Variants in AKAP8L observed in about 807,000 individuals in gnomAD.
AKAP8L encodes A-kinase anchoring protein 8 like.
A neutral mutation model predicts 77.5 loss-of-function variants in AKAP8L; 34 were observed. That is an observed-to-expected ratio of 0.44 (90% CI 0.33 to 0.58). The LOEUF (loss-of-function observed/expected upper bound fraction) is 0.58, where lower values mean the gene tolerates loss of function less well. AKAP8L is among the 20% of genes least tolerant of loss of function. The pLI is 0.02. For synonymous variants in AKAP8L, 342 were observed against 340.7 expected, an observed-to-expected ratio of 1.00 and a Z score of -0.04; for missense variants, 806 against 887.6, an observed-to-expected ratio of 0.91 and a Z score of 1.17.
chr19:15,408,276 A>C (rs1968038902), intron 2 of AKAP8L, among the ~76,000 whole-genome samples: 1 of 152,070 alleles, frequency 6.6e-6, no homozygotes, highest in Non-Finnish European at 1.5e-5. Flanking sequence ...TCAATAGAGA[A>C]AATATAGGCC....
rs965074724 is a variant in AKAP8L at position 15,401,942 on chromosome 19, C to T, written c.363-339G>A. On this transcript the variant is annotated intron_variant, in intron 4 of 13. Coordinates refer to ENST00000397410, the MANE Select transcript of AKAP8L (RefSeq NM_014371.4). This position sits in a 1 kb window ranked among gnomAD's most constrained non-coding sequence, Gnocchi z 6.2. ...TGTACACCATCTGTGGGAGCTGCAACGCCCAAGGCTGCTCCTCACAGGGCA... is the reference window on the plus strand; with the variant it reads ...TGTACACCATCTGTGGGAGCTGCAATGCCCAAGGCTGCTCCTCACAGGGCA... Among the ~76,000 whole-genome samples the T allele has an allele frequency of 3.9e-5, 6 of 152,208 alleles. No homozygotes were observed. Among genetic ancestry groups the T allele is most frequent in the African/African-American group, 1.2e-4 (5 of 41,456 alleles).
chr19:15,380,567 T>A lies in AKAP8L; in HGVS notation c.1582A>T (p.Ser528Cys). The part of the protein sequence containing the change: ...SKKSSLMVAR[S>C]ILNNKLISKK... ...CTGATGAGCTTGTTGTTGAGAATAC[T>A]GCGGGCCACCATGAGGGAGGACTTC... The change falls in exon 13 of 14, where the codon AGT (serine) becomes TGT (cysteine). Residue 528 changes from serine to cysteine, a missense_variant. Ser to Cys is a moderately radical substitution (Grantham distance 112). Transcript: ENST00000397410. The A allele has an allele frequency of 1.2e-6, 2 of 1,613,928 alleles. No individual in the cohort carries two copies. The highest frequency in any genetic ancestry group is 1.7e-6 in the Non-Finnish European group (2 of 1,179,886).
At chr19:15,392,553 A>T (rs1455468012) in intron 12 of AKAP8L, among the ~76,000 whole-genome samples, 2 of 152,068 alleles carry the variant, frequency 1.3e-5, no homozygotes, top group East Asian at 3.9e-4. Context: ...AAAAATATCA[A>T]GAAAACAATT....
At chr19:15,416,651 A>T (rs200212641) in intron 1 of AKAP8L, among the ~76,000 whole-genome samples, 1 of 152,332 alleles carries the variant, frequency 6.6e-6, no homozygotes, top group South Asian at 2.1e-4. Flanking sequence ...AAACATAAAG[A>T]AACTGTGTGA....
In AKAP8L at chr19:15,403,637, T is replaced by C; in HGVS notation, c.200A>G (p.His67Arg). 2 of 1,613,586 alleles carry C rather than the reference T, an allele frequency of 1.2e-6. No individual in the cohort carries two copies. Among genetic ancestry groups the C allele is most frequent in the Non-Finnish European group, 1.7e-6 (2 of 1,179,794 alleles). ...GTCAGAGCTAGGCATTTCCCAAGAG[T>C]GTGAAGTGGCCATACCATACCCATA... ...TNYGYGMATS[H>R]SWEMPSSDTN... is the part of the protein sequence containing the mutation. Residue 67 changes from histidine (H) to arginine (R), a missense_variant, in exon 4 of 14, where the codon CAC (histidine) becomes CGC (arginine). By Grantham distance (29) the His-to-Arg change is conservative. Around this residue, in one of 2 missense-constraint regions of AKAP8L, gnomAD observed 580 missense variants for 694.1 expected, o/e 0.84. Coordinates refer to ENST00000397410, the MANE Select transcript of AKAP8L (RefSeq NM_014371.4). This position sits in a 1 kb window ranked among gnomAD's most constrained non-coding sequence, Gnocchi z 4.3.
At chr19:15,414,059 C>CT (rs755252182) in intron 1 of AKAP8L, among the ~76,000 whole-genome samples, 2,889 of 119,942 alleles carry the variant, frequency 0.024, 111 homozygotes, top group African/African-American at 0.045. Context: ...ATGAATAATT[C>CT]TTTTTTTTTT....
Position 15,397,852 on chromosome 19 carries a change from G to C in AKAP8L, c.1161C>G (p.Ile387Met), listed in dbSNP as rs1363685828. 1.2e-6 allele frequency: 2 copies of C among 1,613,640 alleles called. No individual in the cohort carries two copies. The highest frequency in any genetic ancestry group is 2.7e-5 in the African/African-American group (2 of 74,908). ...KRQRDRMVERIQFVCSLCKYR... is the reference protein window; with the variant it reads ...KRQRDRMVERMQFVCSLCKYR... ...ATTTGCACAGAGAACACACAAACTG[G>C]ATCCTGCCACAGGAAGGAAACGAGG... The change falls in exon 10 of 14, where the codon ATC (isoleucine) becomes ATG (methionine). Residue 387 changes from isoleucine (I) to methionine (M), a missense_variant. Physicochemically the swap from Ile to Met is conservative, Grantham distance 10. Transcript: ENST00000397410. This position sits in a 1 kb window ranked among gnomAD's most constrained non-coding sequence, Gnocchi z 4.7.
chr19:15,406,653 G>A (rs1371465569), intron 2 of AKAP8L, among the ~76,000 whole-genome samples: 2 of 151,840 alleles, frequency 1.3e-5, no homozygotes, highest in East Asian at 3.9e-4. Flanking sequence ...TTTTTGTAGA[G>A]ATAGGGTTTT....
At chr19:15,412,620 C>T (rs948855873) in intron 1 of AKAP8L, among the ~76,000 whole-genome samples, 3 of 152,202 alleles carry the variant, frequency 2.0e-5, no homozygotes, top group South Asian at 4.1e-4. Context: ...CGGCTCACTG[C>T]AACCTCCACC....
intron 12 of AKAP8L, among the ~76,000 whole-genome samples, chr19:15,390,894 G>A (rs1205637539): frequency 6.6e-6 from 1 of 152,150 alleles, no homozygotes; most frequent in Non-Finnish European, 1.5e-5. Context: ...CACTTAACAG[G>A]ACTAGAAGGG....
Position 15,397,447 on chromosome 19 carries a change from C to G in AKAP8L, c.1405+73G>C, listed in dbSNP as rs1967799161. 6.6e-7 allele frequency: 1 copy of G among 1,513,268 alleles called. No homozygotes were observed. Among genetic ancestry groups the G allele is most frequent in the African/African-American group, 1.4e-5 (1 of 72,690 alleles). The allele number at this position is 1,513,268 out of a possible 1,614,324, so 93.7% of individuals were successfully genotyped here. A position where few individuals can be genotyped will look rare whatever the true frequency, so the allele number is the denominator to read the frequency against. On this transcript the variant is annotated intron_variant, in intron 11 of 13. Coordinates refer to ENST00000397410, the MANE Select transcript of AKAP8L (RefSeq NM_014371.4). This position sits in a 1 kb window ranked among gnomAD's most constrained non-coding sequence, Gnocchi z 4.7. Reference sequence around the variant, plus strand: ...TTCCCTGGGGGAACAGAAGGGTGTCCTGACCCTGCACCGAAAATCAGGAGT... The same window carrying G: ...TTCCCTGGGGGAACAGAAGGGTGTCGTGACCCTGCACCGAAAATCAGGAGT...
At position 15,399,997 on chromosome 19, in the gene AKAP8L, G is replaced by C. The variant is rs1286759813; in HGVS notation, c.1048+298C>G. On this transcript the variant is annotated intron_variant, in intron 8 of 13. Transcript: ENST00000397410. The surrounding 1 kb of genome is among the most constrained non-coding windows in gnomAD (Gnocchi z 6.1). ...GAACTGCGCGTTACTGAGGGACCGA[G>C]GGCAGGGGGCGTGCCTGGGGTTCCC... The C allele has an allele frequency of 5.8e-6, 3 of 518,186 alleles. No individual in the cohort carries two copies. The highest frequency in any genetic ancestry group is 3.9e-5 in the African/African-American group (2 of 51,948). The allele number at this position is 518,186 out of a possible 1,614,324, so 32.1% of individuals were successfully genotyped here. A position where few individuals can be genotyped will look rare whatever the true frequency, so the allele number is the denominator to read the frequency against.
At chr19:15,410,127 T>C (rs568734323) in intron 2 of AKAP8L, among the ~76,000 whole-genome samples, 23 of 152,052 alleles carry the variant, frequency 1.5e-4, no homozygotes, top group Non-Finnish European at 2.8e-4. Context: ...TATTTTAGTA[T>C]AGATGGCATT....
chr19:15,403,042 G>A lies in AKAP8L; in HGVS notation c.362+433C>T, dbSNP rs1197531793. On this transcript the variant is annotated intron_variant, in intron 4 of 13. Transcript: ENST00000397410. This position sits in a 1 kb window ranked among gnomAD's most constrained non-coding sequence, Gnocchi z 4.3. ...TGCCCACACCTGCCCCGACCCTTAC[G>A]TGGGGGTGGCCCAGCTCGCAGTGAT... Among the ~76,000 whole-genome samples, 4 of 152,154 alleles carry A rather than the reference G, an allele frequency of 2.6e-5. No individual in the cohort carries two copies. The highest frequency in any genetic ancestry group is 4.4e-5 in the Non-Finnish European group (3 of 68,026).
intron 12 of AKAP8L, among the ~76,000 whole-genome samples, chr19:15,387,590 A>T (rs1967566327): frequency 6.6e-6 from 1 of 152,166 alleles, no homozygotes; most frequent in African/African-American, 2.4e-5. Flanking sequence ...AGGTTACCAA[A>T]GAGGACAAGG....
In AKAP8L at chr19:15,397,834, C is replaced by A; in HGVS notation, c.1179G>T (p.Leu393=). The change falls in exon 10 of 14, where the codon CTG becomes CTT. Residue 393 remains leucine, a synonymous_variant. Coordinates refer to ENST00000397410, the MANE Select transcript of AKAP8L (RefSeq NM_014371.4). This position sits in a 1 kb window ranked among gnomAD's most constrained non-coding sequence, Gnocchi z 4.7. Reference sequence around the variant, plus strand: ...CCTCATAGAAGGTCCGGTATTTGCACAGAGAACACACAAACTGGATCCTGC... The same window carrying A: ...CCTCATAGAAGGTCCGGTATTTGCAAAGAGAACACACAAACTGGATCCTGC... The part of the protein sequence containing the change: ...MVERIQFVCS[L]CKYRTFYEDE... The A allele has an allele frequency of 6.2e-7, 1 of 1,613,892 alleles. No homozygotes were observed. Among genetic ancestry groups the A allele is most frequent in the African/African-American group, 1.3e-5 (1 of 75,010 alleles).
rs888832813 is a variant in AKAP8L at position 15,384,592 on chromosome 19, T to C, written c.1537-3980A>G. Among the ~76,000 whole-genome samples, 5 of 152,224 alleles carry C rather than the reference T, an allele frequency of 3.3e-5. 1 individual carries two copies. The highest frequency in any genetic ancestry group is 3.3e-4 in the Admixed American group (5 of 15,286). On this transcript the variant is annotated intron_variant, in intron 12 of 13. Transcript: ENST00000397410. Reference sequence around the variant, plus strand: ...CTGGGATTACAGGCATGAGCCACCATGCCTGGCCCTCAAGTCTTTCTTCTT... The same window carrying C: ...CTGGGATTACAGGCATGAGCCACCACGCCTGGCCCTCAAGTCTTTCTTCTT...
intron 8 of AKAP8L, 122 bp downstream of exon 8, chr19:15,400,173 G>T: frequency 1.0e-6 from 1 of 977,732 alleles, no homozygotes; most frequent in Non-Finnish European, 1.6e-6. Context: ...CACACACTCG[G>T]GCCCACAAGG....
chr19:15,392,966 A>G (rs1368571236), intron 12 of AKAP8L, among the ~76,000 whole-genome samples: 1 of 151,952 alleles, frequency 6.6e-6, no homozygotes, highest in African/African-American at 2.4e-5. Flanking sequence ...TTTGAAAGAA[A>G]TTAATTCATT....
Sources: allele counts gnomAD v4.1 joint callset (sites outside exome capture counted in the v4.1 genomes callset), GRCh38; gene constraint gnomAD v4.1.1; regional missense constraint gnomAD v4.1.1; non-coding constraint Gnocchi (gnomAD v3.1); transcripts MANE v1.5; gene names NCBI Gene and HGNC (gene_info 2026-07-23, HGNC 2026-07-21).